The following GLIS3 variants were observed in gnomAD, a reference collection of about 807,000 sequenced individuals.
GLIS3 encodes the protein zinc finger protein GLIS3.
In GLIS3, 53 loss-of-function variants were observed where a neutral mutation model predicts 78.6. That is an observed-to-expected ratio of 0.67 (90% CI 0.54 to 0.85). The LOEUF (loss-of-function observed/expected upper bound fraction) is 0.85, where lower values mean the gene tolerates loss of function less well. Among genes scored for constraint, GLIS3 ranks in the 40% least tolerant of loss-of-function variants. The pLI is 0.00. For missense variants in GLIS3, 1,703 were observed against 1,231.1 expected, an observed-to-expected ratio of 1.38 and a Z score of -5.74; for synonymous variants, 684 against 509.9, an observed-to-expected ratio of 1.34 and a Z score of -4.60.
At chr9:4,462,630 C>T in the GLIS3 span, among the ~76,000 whole-genome samples, 114 of 145,718 alleles carry the variant, frequency 7.8e-4, 1 homozygote, top group South Asian at 0.019. Context: ...CACACACACA[C>T]ACAGACACGC....
the GLIS3 span, among the ~76,000 whole-genome samples, chr9:4,389,791 C>G: frequency 6.6e-6 from 1 of 152,168 alleles, no homozygotes; most frequent in African/African-American, 2.4e-5. Flanking sequence ...AGGGAGTGAA[C>G]AGTTCAGATC....
chr9:4,340,587 G>T (rs1817820274), intron 2 of GLIS3, among the ~76,000 whole-genome samples: 1 of 152,142 alleles, frequency 6.6e-6, no homozygotes, highest in South Asian at 2.1e-4. Flanking sequence ...GAGGGAGTGA[G>T]GGTGATGGTC....
At chr9:4,073,021 TA>T (rs5896045) in intron 4 of GLIS3, among the ~76,000 whole-genome samples, 68,387 of 148,866 alleles carry the variant, frequency 0.46, 15,978 homozygotes, top group East Asian at 0.62. Context: ...CTTTTTTCTT[TA>T]AAAAAAAAAA....
Position 4,244,095 on chromosome 9 carries a change from C to G in GLIS3, c.388+41943G>C, listed in dbSNP as rs1438891038. ...ATTCCACTCATCTTTCCAGCCCTAA[C>G]TAACATTCCAAGCCTTCCATAAATC... is the stretch of plus-strand genomic sequence containing the variant. On this transcript the variant is annotated intron_variant, in intron 2 of 10. Transcript: ENST00000381971. Among the ~76,000 whole-genome samples the G allele has an allele frequency of 2.0e-5, 3 of 152,106 alleles. No individual in the cohort carries two copies. In the East Asian group the frequency reaches 5.9e-4, roughly 30 times the overall value.
the GLIS3 span, among the ~76,000 whole-genome samples, chr9:4,375,754 A>G: frequency 2.0e-5 from 3 of 152,232 alleles, no homozygotes; most frequent in African/African-American, 4.8e-5. Context: ...CCAACCAATA[A>G]CAGTCAGTGC....
chr9:3,869,951 G>A (rs561336517), intron 8 of GLIS3, among the ~76,000 whole-genome samples: 5 of 152,286 alleles, frequency 3.3e-5, no homozygotes, highest in African/African-American at 9.6e-5. Context: ...ACTAAACTGA[G>A]CTCCAAAGGC....
chr9:4,240,784 T>C lies in GLIS3; in HGVS notation c.388+45254A>G, dbSNP rs1475304384. Among the ~76,000 whole-genome samples, 14 of 152,226 alleles carry C rather than the reference T, an allele frequency of 9.2e-5. No individual in the cohort carries two copies. In the East Asian group the frequency reaches 2.7e-3, roughly 29 times the overall value. ...GCTTAATAGCTGGGTGATGAAATAA[T>C]CTGTACAACAAACCCTCATGATATA... On this transcript the variant is annotated intron_variant, in intron 2 of 10. Coordinates refer to ENST00000381971, the MANE Select transcript of GLIS3 (RefSeq NM_001042413.2).
intron 9 of GLIS3, 111 bp from the exon 10 acceptor site, chr9:3,829,603 T>C: frequency 9.5e-7 from 1 of 1,055,802 alleles, no homozygotes; most frequent in South Asian, 1.3e-5. Flanking sequence ...CAAATGCCTT[T>C]AACTCTTAAG....
Position 3,824,935 on chromosome 9 carries a change from ATAAT to A in GLIS3, c.*3333_*3336del, listed in dbSNP as rs748546319. ...TCATCTGTTGCAAAAAAAAAAAAAA[ATAAT>A]AACCGCAGAAATTCCACACCACTAA... On this transcript the variant is annotated 3_prime_UTR_variant, in exon 11 of 11. Coordinates refer to ENST00000381971, the MANE Select transcript of GLIS3 (RefSeq NM_001042413.2). 24 of 41,490 alleles carry A rather than the reference ATAAT, an allele frequency of 5.8e-4. No homozygotes were observed. Among genetic ancestry groups the A allele is most frequent in the Admixed American group, 5.0e-3 (18 of 3,604 alleles). The allele number at this position is 41,490 out of a possible 1,614,324, so 2.6% of individuals were successfully genotyped here.
chr9:4,059,950 G>A (rs561885789), intron 4 of GLIS3, among the ~76,000 whole-genome samples: 1 of 152,170 alleles, frequency 6.6e-6, no homozygotes, highest in Non-Finnish European at 1.5e-5. Flanking sequence ...TAAGGCAGGT[G>A]TGAAGGTTCC....
intron 4 of GLIS3, among the ~76,000 whole-genome samples, chr9:3,946,416 G>T (rs951961956): frequency 2.0e-5 from 3 of 152,154 alleles, no homozygotes; most frequent in Non-Finnish European, 2.9e-5. Context: ...GCTCATTAAG[G>T]CTTTTTAATT....
the GLIS3 span, among the ~76,000 whole-genome samples, chr9:4,471,249 A>C: frequency 1.3e-5 from 2 of 152,322 alleles, no homozygotes; most frequent in South Asian, 4.1e-4. Flanking sequence ...GAATTGGAAA[A>C]AACTACTTTA....
chr9:4,250,277 T>C (rs745589242), intron 2 of GLIS3, among the ~76,000 whole-genome samples: 19 of 151,672 alleles, frequency 1.3e-4, no homozygotes, highest in Non-Finnish European at 1.9e-4. Context: ...TAGGCTATTA[T>C]TGCCTCAATT....
intron 2 of GLIS3, among the ~76,000 whole-genome samples, chr9:4,169,930 G>A (rs1404853358): frequency 6.6e-6 from 1 of 152,152 alleles, no homozygotes; most frequent in East Asian, 1.9e-4. Context: ...TTGACCAAAT[G>A]TCGCTTCAAT....
At chr9:4,443,584 T>C in the GLIS3 span, among the ~76,000 whole-genome samples, 25 of 152,098 alleles carry the variant, frequency 1.6e-4, no homozygotes, top group African/African-American at 6.0e-4. Flanking sequence ...GAAGCAATGA[T>C]GGAAGAGAAA....
rs573780473 is a variant in GLIS3 at position 3,825,873 on chromosome 9, C to G, written c.*2399G>C. Reference sequence around the variant, plus strand: ...GCTCTCTCTGAGATAAAATGTCCCTCTGGGGCTCCACATTGATTTCCTGCT... The same window carrying G: ...GCTCTCTCTGAGATAAAATGTCCCTGTGGGGCTCCACATTGATTTCCTGCT... On this transcript the variant is annotated 3_prime_UTR_variant, in exon 11 of 11. Transcript: ENST00000381971. The G allele has an allele frequency of 1.3e-5, 2 of 152,452 alleles. No homozygotes were observed. The highest frequency in any genetic ancestry group is 4.8e-5 in the African/African-American group (2 of 41,572). The allele number at this position is 152,452 out of a possible 1,614,324, so 9.4% of individuals were successfully genotyped here. A position where few individuals can be genotyped will look rare whatever the true frequency, so the allele number is the denominator to read the frequency against.
intron 2 of GLIS3, among the ~76,000 whole-genome samples, chr9:4,274,668 A>C (rs115186546): frequency 0.018 from 2,674 of 152,270 alleles, 85 homozygotes; most frequent in African/African-American, 0.061. Context: ...AATTATTAAG[A>C]ATGCCAAGAA....
intron 9 of GLIS3, among the ~76,000 whole-genome samples, chr9:3,839,724 C>T (rs1818600983): frequency 6.6e-6 from 1 of 152,114 alleles, no homozygotes; most frequent in African/African-American, 2.4e-5. Context: ...GGCTCATGAC[C>T]AAATCAATTT....
At chr9:4,242,512 G>A (rs1026808251) in intron 2 of GLIS3, among the ~76,000 whole-genome samples, 1 of 152,140 alleles carries the variant, frequency 6.6e-6, no homozygotes, top group Non-Finnish European at 1.5e-5. Context: ...GCTACCTGCT[G>A]GGCATGACCA....
Sources: allele counts gnomAD v4.1 joint callset (sites outside exome capture counted in the v4.1 genomes callset), GRCh38; gene constraint gnomAD v4.1.1; transcripts MANE v1.5; gene names NCBI Gene and HGNC (gene_info 2026-07-23, HGNC 2026-07-21).